Variants in MORC3 observed in about 807,000 individuals in gnomAD.
MORC3 encodes the protein MORC family CW-type zinc finger protein 3.
A neutral mutation model predicts 109.1 loss-of-function variants in MORC3; 31 were observed. That is an observed-to-expected ratio of 0.28 (90% CI 0.21 to 0.38). The LOEUF is 0.38. MORC3 is among the 10% of genes least tolerant of loss of function. MORC3 has a pLI of 1.00. For missense variants in MORC3, 867 were observed against 1,135.8 expected (o/e 0.76, Z 3.40); for synonymous variants, 395 against 380.7 (o/e 1.04, Z -0.44).
chr21:36,350,643 C>A (rs1176838935), intron 9 of MORC3, among the ~76,000 whole-genome samples: 1 of 151,352 alleles, frequency 6.6e-6, no homozygotes. Flanking sequence ...AAATACAAAT[C>A]ATCAATATTA....
intron 15 of MORC3, among the ~76,000 whole-genome samples, chr21:36,371,837 G>C (rs2085872975): frequency 6.8e-6 from 1 of 147,352 alleles, no homozygotes; most frequent in Admixed American, 6.7e-5. Context: ...TTTTGAGATG[G>C]AACTTCGCTC....
At chr21:36,324,637 T>G (rs2085229318) in intron 1 of MORC3, among the ~76,000 whole-genome samples, 1 of 151,976 alleles carries the variant, frequency 6.6e-6, no homozygotes, top group Non-Finnish European at 1.5e-5. Context: ...TTCTTCATGT[T>G]TCTTTTACTG....
intron 7 of MORC3, 51 bp downstream of exon 7, chr21:36,344,758 T>G: frequency 1.2e-6 from 2 of 1,602,888 alleles, no homozygotes; most frequent in Non-Finnish European, 1.7e-6. Context: ...GTGTATTCTC[T>G]TTTGCCCCTT....
chr21:36,328,977 A>G (rs954455253), intron 1 of MORC3, among the ~76,000 whole-genome samples: 4 of 151,914 alleles, frequency 2.6e-5, no homozygotes, highest in African/African-American at 7.2e-5. Context: ...AAAAATCACG[A>G]AAGAAACTTC....
At chr21:36,322,933 C>A (rs139237150) in intron 1 of MORC3, among the ~76,000 whole-genome samples, 2 of 152,016 alleles carry the variant, frequency 1.3e-5, no homozygotes. Context: ...TTTGTTATTA[C>A]TCTTACAAAT....
At chr21:36,340,561 T>C (rs1457192248) in intron 5 of MORC3, among the ~76,000 whole-genome samples, 2 of 152,050 alleles carry the variant, frequency 1.3e-5, no homozygotes, top group African/African-American at 4.8e-5. Context: ...CCTGGCGTTT[T>C]CCAGGTTCTT....
intron 7 of MORC3, 62 bp downstream of exon 7, chr21:36,344,769 TC>T: frequency 6.3e-7 from 1 of 1,596,722 alleles, no homozygotes; most frequent in South Asian, 1.1e-5. Context: ...TTTGCCCCTT[TC>T]CCCTTATATG....
chr21:36,331,335 A>G (rs2085313042), intron 1 of MORC3, among the ~76,000 whole-genome samples: 1 of 152,182 alleles, frequency 6.6e-6, no homozygotes, highest in Non-Finnish European at 1.5e-5. Flanking sequence ...ACGGTGGCTC[A>G]TGCCTGTAAT....
At chr21:36,349,217 T>C in intron 8 of MORC3, 94 bp from the exon 9 acceptor site, 1 of 781,424 alleles carries the variant, frequency 1.3e-6, no homozygotes, top group Non-Finnish European at 2.0e-6. Flanking sequence ...CAAGATAAAA[T>C]ATAGAAAAAT....
intron 14 of MORC3, among the ~76,000 whole-genome samples, chr21:36,367,446 A>G (rs973559105): frequency 1.3e-5 from 2 of 152,246 alleles, no homozygotes; most frequent in African/African-American, 4.8e-5. Flanking sequence ...AGAAGAAAAC[A>G]TTGTGAAATT....
intron 8 of MORC3, among the ~76,000 whole-genome samples, chr21:36,345,610 T>G (rs1433465671): frequency 1.3e-5 from 2 of 151,788 alleles, no homozygotes; most frequent in Non-Finnish European, 2.9e-5. Context: ...TTAGTAGAGG[T>G]GAGGTTTCAG....
At chr21:36,334,500 A>C (rs893484874) in intron 2 of MORC3, among the ~76,000 whole-genome samples, 1 of 152,070 alleles carries the variant, frequency 6.6e-6, no homozygotes, top group Admixed American at 6.6e-5. Context: ...AGGTCTCACC[A>C]TGTTGTCCAG....
chr21:36,340,110 C>G (rs1356290462), intron 5 of MORC3, among the ~76,000 whole-genome samples: 1 of 152,020 alleles, frequency 6.6e-6, no homozygotes, highest in Non-Finnish European at 1.5e-5. Flanking sequence ...AACCCTGTCT[C>G]TACTAAAATT....
intron 9 of MORC3, among the ~76,000 whole-genome samples, chr21:36,350,192 A>C (rs1197700189): frequency 6.6e-6 from 1 of 152,134 alleles, no homozygotes; most frequent in African/African-American, 2.4e-5. Context: ...CTGTGGTCCC[A>C]GCTACTCAGG....
rs762351048 is a variant in MORC3 at position 36,360,021 on chromosome 21, G to A, written c.1275G>A (p.Gly425=). ...ACLKWRKLPD[G]MDQLPEKWYC... is the part of the protein sequence containing the mutation. ...TAAAGTGGCGGAAATTACCTGATGG[G>A]ATGGATCAACTTCCTGAAAAATGGT... Residue 425 remains glycine, a synonymous_variant, in exon 11 of 17, where the codon GGG becomes GGA. Transcript: ENST00000400485. 6.2e-7 allele frequency: 1 copy of A among 1,614,158 alleles called. No individual in the cohort carries two copies. The highest frequency in any genetic ancestry group is 8.5e-7 in the Non-Finnish European group (1 of 1,180,030).
intron 10 of MORC3, among the ~76,000 whole-genome samples, chr21:36,358,235 A>C (rs888657408): frequency 6.6e-6 from 1 of 151,936 alleles, no homozygotes; most frequent in South Asian, 2.1e-4. Flanking sequence ...AAATACAAAA[A>C]GTAGCCAGGC....
At chr21:36,344,843 T>C (rs1437689899) in intron 7 of MORC3, 69 bp from the exon 8 acceptor site, 2 of 1,602,070 alleles carry the variant, frequency 1.2e-6, no homozygotes, top group Non-Finnish European at 1.7e-6. Flanking sequence ...ACTTACCAAA[T>C]AATGAAATAG....
intron 14 of MORC3, among the ~76,000 whole-genome samples, chr21:36,366,881 A>G (rs776176948): frequency 6.6e-6 from 1 of 152,234 alleles, no homozygotes; most frequent in Non-Finnish European, 1.5e-5. Flanking sequence ...GTAACTCCAA[A>G]TTAAACAGGG....
At chr21:36,365,001 G>A (rs547414830) in intron 14 of MORC3, among the ~76,000 whole-genome samples, 3 of 135,560 alleles carry the variant, frequency 2.2e-5, no homozygotes, top group East Asian at 2.3e-4. Context: ...GCAGTGAGCC[G>A]AGATCACGCC....
Sources: allele counts gnomAD v4.1 joint callset (sites outside exome capture counted in the v4.1 genomes callset), GRCh38; gene constraint gnomAD v4.1.1; transcripts MANE v1.5; gene names NCBI Gene and HGNC (gene_info 2026-07-23, HGNC 2026-07-21).